RNF220: variants seen among roughly 807,000 people sequenced by gnomAD.
RNF220 encodes the protein E3 ubiquitin-protein ligase RNF220.
In RNF220, 7 loss-of-function variants were observed where a neutral mutation model predicts 67.1. The observed-to-expected ratio is 0.10, with a 90% CI of 0.06 to 0.20. The LOEUF (loss-of-function observed/expected upper bound fraction) is 0.20, where lower values mean the gene tolerates loss of function less well. RNF220 is among the 10% of genes least tolerant of loss of function. The probability of loss-of-function intolerance (pLI) is 1.00; values close to 1 mark genes in which losing one functional copy is unlikely to be tolerated. For missense variants in RNF220, 565 were observed against 740.3 expected (o/e 0.76, Z 2.75); for synonymous variants, 270 against 283.2 (o/e 0.95, Z 0.47).
intron 2 of RNF220, among the ~76,000 whole-genome samples, chr1:44,563,189 A>G (rs1319903807): frequency 1.3e-5 from 2 of 152,028 alleles, no homozygotes; most frequent in Non-Finnish European, 2.9e-5. Context: ...TGAGCTGGGC[A>G]GAGGGAAGGC....
At chr1:44,573,948 T>C (rs1185115350) in intron 2 of RNF220, among the ~76,000 whole-genome samples, 3 of 152,058 alleles carry the variant, frequency 2.0e-5, no homozygotes, top group Admixed American at 6.6e-5. Flanking sequence ...ACCCCATCTC[T>C]ACAAAAAATA....
chr1:44,416,995 T>C (rs539180666), intron 2 of RNF220, among the ~76,000 whole-genome samples: 2 of 150,750 alleles, frequency 1.3e-5, no homozygotes, highest in African/African-American at 4.9e-5. Context: ...TGGGGAGGGC[T>C]GGGGTGAGGG....
rs7515111 is a variant in RNF220 at position 44,480,007 on chromosome 1, G to A, written c.625+67285G>A. 9.8e-3 allele frequency among the ~76,000 whole-genome samples: 1,488 copies of A among 152,212 alleles called. 34 individuals carry two copies. The highest frequency in any genetic ancestry group is 0.034 in the African/African-American group (1,426 of 41,522). ...AATAATACAAGTTGCTATTATTCCCGGCTTTTATACCAGCTTCCTTGCTGC... is the reference window on the plus strand; with the variant it reads ...AATAATACAAGTTGCTATTATTCCCAGCTTTTATACCAGCTTCCTTGCTGC... On this transcript the variant is annotated intron_variant, in intron 2 of 14. Coordinates refer to ENST00000361799, the MANE Select transcript of RNF220 (RefSeq NM_018150.4).
chr1:44,434,969 A>G (rs1006455828), intron 2 of RNF220, among the ~76,000 whole-genome samples: 1 of 151,626 alleles, frequency 6.6e-6, no homozygotes, highest in Non-Finnish European at 1.5e-5. Flanking sequence ...CAAGGCTGCA[A>G]TGAGCTATGA....
rs1375339341 is a variant in RNF220 at position 44,417,281 on chromosome 1, C to T, written c.625+4559C>T. Among the ~76,000 whole-genome samples the T allele has an allele frequency of 6.6e-6, 1 of 152,202 alleles. No homozygotes were observed. Among genetic ancestry groups the T allele is most frequent in the Admixed American group, 6.5e-5 (1 of 15,290 alleles). On this transcript the variant is annotated intron_variant, in intron 2 of 14. Transcript: ENST00000361799. The surrounding 1 kb of genome is among the most constrained non-coding windows in gnomAD (Gnocchi z 4.0). ...CCCTACTCCCCGGGGGCAAGAACTCCTGTGATGTGTGTGGTTGTTTCTGGT... is the reference window on the plus strand; with the variant it reads ...CCCTACTCCCCGGGGGCAAGAACTCTTGTGATGTGTGTGGTTGTTTCTGGT...
chr1:44,595,231 T>C (rs914116331), intron 2 of RNF220, among the ~76,000 whole-genome samples: 2 of 152,050 alleles, frequency 1.3e-5, no homozygotes, highest in African/African-American at 4.8e-5. Flanking sequence ...GAGGTAGGGG[T>C]GGGAGGCCAA....
At chr1:44,452,759 A>G (rs1652820330) in intron 2 of RNF220, among the ~76,000 whole-genome samples, 1 of 152,124 alleles carries the variant, frequency 6.6e-6, no homozygotes, top group South Asian at 2.1e-4. Flanking sequence ...GGCGTGAGCC[A>G]CTGTGCCCAG....
chr1:44,632,400 G>GGCCCCCCCCC lies in RNF220; in HGVS notation c.949+15_949+16insGCCCCCCCCC. 1.2e-6 allele frequency: 2 copies of GGCCCCCCCCC among 1,607,440 alleles called. No individual in the cohort carries two copies. The highest frequency in any genetic ancestry group is 1.7e-6 in the Non-Finnish European group (2 of 1,177,488). ...CCGACTGAATGGTGAGTCCTGCCCG[G>GGCCCCCCCCC]CCCCTCCCTCCGCCCCACCCCCGGC... On this transcript the variant is annotated intron_variant, in intron 6 of 14. Transcript: ENST00000361799.
intron 2 of RNF220, among the ~76,000 whole-genome samples, chr1:44,468,683 G>A (rs1229704125): frequency 2.0e-5 from 3 of 152,156 alleles, no homozygotes; most frequent in Admixed American, 1.3e-4. Context: ...GGAGGCTGAG[G>A]CAGGTGGATT....
intron 2 of RNF220, among the ~76,000 whole-genome samples, chr1:44,484,993 A>AAGGG (rs1656156167): frequency 6.6e-6 from 1 of 152,166 alleles, no homozygotes; most frequent in Non-Finnish European, 1.5e-5. Context: ...AATACAAAAA[A>AAGGG]TTAGCTGGGC....
intron 2 of RNF220, among the ~76,000 whole-genome samples, chr1:44,463,483 G>A (rs940623245): frequency 6.6e-6 from 1 of 151,358 alleles, no homozygotes; most frequent in Admixed American, 6.6e-5. Flanking sequence ...GAAATGATTT[G>A]TCGTTCTAAT....
At chr1:44,561,013 A>G (rs1663528395) in intron 2 of RNF220, among the ~76,000 whole-genome samples, 2 of 152,254 alleles carry the variant, frequency 1.3e-5, no homozygotes. Context: ...TCTTTCATTC[A>G]GCAAACAGTG....
At chr1:44,590,364 G>A (rs1200752745) in intron 2 of RNF220, among the ~76,000 whole-genome samples, 1 of 152,188 alleles carries the variant, frequency 6.6e-6, no homozygotes, top group Non-Finnish European at 1.5e-5. Context: ...CTGCTCCCAA[G>A]CTTGTGGTCC....
chr1:44,588,675 G>A (rs1376319105), intron 2 of RNF220, among the ~76,000 whole-genome samples: 4 of 152,220 alleles, frequency 2.6e-5, no homozygotes, highest in African/African-American at 4.8e-5. Flanking sequence ...AGTATTGATT[G>A]AGAAGGTGAG....
chr1:44,439,229 T>C (rs1462505371), intron 2 of RNF220, among the ~76,000 whole-genome samples: 4 of 152,248 alleles, frequency 2.6e-5, no homozygotes, highest in African/African-American at 9.6e-5. Context: ...TAAATATTTT[T>C]AATCTTTGGC....
intron 8 of RNF220, chr1:44,643,123 G>C (rs1042296323): frequency 2.0e-5 from 3 of 152,382 alleles, no homozygotes; most frequent in African/African-American, 7.2e-5. Context: ...GAGGGCAAAT[G>C]AGGACTGTCA....
intron 2 of RNF220, among the ~76,000 whole-genome samples, chr1:44,482,998 G>A (rs1035981829): frequency 1.5e-5 from 2 of 136,922 alleles, no homozygotes; most frequent in African/African-American, 5.5e-5. Flanking sequence ...TGGAACGATC[G>A]TGGCTTACTG....
intron 2 of RNF220, among the ~76,000 whole-genome samples, chr1:44,436,994 G>A (rs1156886954): frequency 6.6e-6 from 1 of 152,174 alleles, no homozygotes; most frequent in Non-Finnish European, 1.5e-5. Flanking sequence ...CCCAGTAAAA[G>A]GTGTAAATTA....
intron 2 of RNF220, among the ~76,000 whole-genome samples, chr1:44,420,120 T>G (rs1649047019): frequency 6.6e-6 from 1 of 152,258 alleles, no homozygotes; most frequent in Non-Finnish European, 1.5e-5. Flanking sequence ...GTCAGTTTTC[T>G]CTGTGGAATG....
Sources: allele counts gnomAD v4.1 joint callset (sites outside exome capture counted in the v4.1 genomes callset), GRCh38; gene constraint gnomAD v4.1.1; non-coding constraint Gnocchi (gnomAD v3.1); transcripts MANE v1.5; gene names NCBI Gene and HGNC (gene_info 2026-07-23, HGNC 2026-07-21).